ATRN: variants seen among roughly 807,000 people sequenced by gnomAD.
ATRN encodes the protein attractin-2.
Under a neutral mutation model 178.7 loss-of-function variants are expected in ATRN, and 54 were observed. The observed-to-expected ratio is 0.30, with a 90% confidence interval of 0.24 to 0.38. ATRN has a LOEUF of 0.38. Ranked by LOEUF, ATRN falls within the 10% of genes least tolerant of loss-of-function variation. The pLI is 1.00. For missense variants in ATRN, 1,443 were observed against 1,815.1 expected, an observed-to-expected ratio of 0.79 and a Z score of 3.73; for synonymous variants, 636 against 663.0, an observed-to-expected ratio of 0.96 and a Z score of 0.63.
chr20:3,603,760 T>A (rs2086643487), intron 23 of ATRN, among the ~76,000 whole-genome samples: 2 of 152,118 alleles, frequency 1.3e-5, no homozygotes, highest in Admixed American at 6.5e-5. Context: ...AGTGCTGGGA[T>A]TACAGATGTG....
At chr20:3,568,177 G>C (rs986214651) in intron 11 of ATRN, among the ~76,000 whole-genome samples, 1 of 151,836 alleles carries the variant, frequency 6.6e-6, no homozygotes, top group Non-Finnish European at 1.5e-5. Context: ...TGTAGTCCCA[G>C]CTTCTCGGGA....
intron 1 of ATRN, among the ~76,000 whole-genome samples, chr20:3,511,070 A>G (rs1376376081): frequency 6.6e-6 from 1 of 152,226 alleles, no homozygotes; most frequent in Non-Finnish European, 1.5e-5. Context: ...AATGGCGATG[A>G]AAGTATTATC....
rs187172517 is a variant in ATRN at position 3,555,918 on chromosome 20, C to T, written c.1113-3475C>T. Among the ~76,000 whole-genome samples, 4 of 152,286 alleles carry T rather than the reference C, an allele frequency of 2.6e-5. No homozygotes were observed. In the East Asian group the frequency reaches 5.8e-4, roughly 22 times the overall value. ...AGAACCCATCATGGAGGAAAAGCAGCTTCAAGGAGCAGAAGGAGATTCCTT... is the reference window on the plus strand; with the variant it reads ...AGAACCCATCATGGAGGAAAAGCAGTTTCAAGGAGCAGAAGGAGATTCCTT... On this transcript the variant is annotated intron_variant, in intron 6 of 28. Transcript: ENST00000262919.
intron 6 of ATRN, among the ~76,000 whole-genome samples, chr20:3,551,201 C>G (rs2085781711): frequency 6.6e-6 from 1 of 152,194 alleles, no homozygotes; most frequent in Admixed American, 6.5e-5. Flanking sequence ...AGGATGTCCC[C>G]TAGTGTAGTG....
At chr20:3,575,433 C>A (rs1397608191) in intron 12 of ATRN, among the ~76,000 whole-genome samples, 1 of 152,118 alleles carries the variant, frequency 6.6e-6, no homozygotes, top group East Asian at 1.9e-4. Flanking sequence ...ATTAGCCTTG[C>A]GTTTATAACT....
intron 6 of ATRN, among the ~76,000 whole-genome samples, chr20:3,555,034 G>A (rs2085851805): frequency 2.6e-5 from 3 of 116,150 alleles, no homozygotes; most frequent in South Asian, 2.7e-4. Context: ...ACGGAGTCTC[G>A]CTGTCGCCCA....
intron 6 of ATRN, among the ~76,000 whole-genome samples, chr20:3,559,095 A>G (rs1331456453): frequency 3.9e-5 from 6 of 152,212 alleles, no homozygotes; most frequent in Admixed American, 2.6e-4. Context: ...CCTTGAGTAC[A>G]ATGCAACCTT....
At chr20:3,553,325 C>T (rs2085815758) in intron 6 of ATRN, among the ~76,000 whole-genome samples, 1 of 152,126 alleles carries the variant, frequency 6.6e-6, no homozygotes, top group Non-Finnish European at 1.5e-5. Context: ...TCCATATGTT[C>T]TTCTCTTCGT....
intron 3 of ATRN, among the ~76,000 whole-genome samples, chr20:3,543,531 G>C (rs2085654241): frequency 6.6e-6 from 1 of 151,948 alleles, no homozygotes; most frequent in South Asian, 2.1e-4. Context: ...AGACCAGTCT[G>C]GCCAACATGG....
intron 2 of ATRN, among the ~76,000 whole-genome samples, chr20:3,535,725 A>G (rs2085522488): frequency 6.6e-6 from 1 of 151,814 alleles, no homozygotes; most frequent in Admixed American, 6.6e-5. Flanking sequence ...TCCGCCTCCC[A>G]GGTTCAAGCG....
intron 27 of ATRN, among the ~76,000 whole-genome samples, chr20:3,639,437 G>A (rs945678203): frequency 6.6e-6 from 1 of 152,056 alleles, no homozygotes; most frequent in Non-Finnish European, 1.5e-5. Context: ...ATTTTTAGTG[G>A]AGATGGGGTT....
chr20:3,509,772 G>A (rs530395008), intron 1 of ATRN, among the ~76,000 whole-genome samples: 1 of 152,272 alleles, frequency 6.6e-6, no homozygotes, highest in East Asian at 1.9e-4. Context: ...CCAAAGTGCT[G>A]AGATTACAGG....
chr20:3,584,026 G>A lies in ATRN; in HGVS notation c.2893G>A (p.Val965Met). ...MKQCVDSNAY[V>M]ASFPFGQCME... ...GCAGTGTGTGGACTCCAATGCCTAC[G>A]TGGCCTCCTTCCCTTTTGGCCAGTG... Residue 965 changes from valine (V) to methionine (M), a missense_variant, in exon 17 of 29, where the codon GTG becomes ATG. Transcript: ENST00000262919. 2 of 1,614,172 alleles carry A rather than the reference G, an allele frequency of 1.2e-6. No individual in the cohort carries two copies. The highest frequency in any genetic ancestry group is 8.5e-7 in the Non-Finnish European group (1 of 1,180,014).
intron 27 of ATRN, among the ~76,000 whole-genome samples, chr20:3,642,391 C>T (rs1379897986): frequency 6.6e-6 from 1 of 152,240 alleles, no homozygotes; most frequent in Admixed American, 6.5e-5. Flanking sequence ...TTCCGCCTTT[C>T]AGCACATAAC....
chr20:3,503,118 C>T (rs1225490985), intron 1 of ATRN, among the ~76,000 whole-genome samples: 1 of 151,908 alleles, frequency 6.6e-6, no homozygotes, highest in Non-Finnish European at 1.5e-5. Flanking sequence ...CCAATGGGAG[C>T]TCAAAGGCAC....
chr20:3,490,869 T>C (rs1379414997), intron 1 of ATRN: 7 of 889,110 alleles, frequency 7.9e-6, no homozygotes, highest in Admixed American at 6.8e-5. Flanking sequence ...GACCTCCATA[T>C]ACCTATCTTG....
In ATRN at chr20:3,560,866, C is replaced by T; in HGVS notation, c.1408C>T (p.Leu470Phe). The change falls in exon 8 of 29, where the codon CTC becomes TTC. Residue 470 changes from leucine (L) to phenylalanine (F), a missense_variant. Around this residue, in one of 4 missense-constraint regions of ATRN, gnomAD observed 862 missense variants for 972.1 expected, o/e 0.89. Coordinates refer to ENST00000262919, the MANE Select transcript of ATRN (RefSeq NM_139321.3). ...VMLVIFGHCP[L>F]YGYISNVQEY... is the part of the protein sequence containing the mutation. ...GCTGGTCATCTTTGGTCACTGCCCT[C>T]TCTATGGATATATAAGCAATGTGCA... The T allele has an allele frequency of 6.2e-7, 1 of 1,614,074 alleles. No homozygotes were observed. Among genetic ancestry groups the T allele is most frequent in the Admixed American group, 1.7e-5 (1 of 60,014 alleles).
rs1475720886 is a variant in ATRN at position 3,634,368 on chromosome 20, T to C, written c.3921T>C (p.Cys1307=). The change falls in exon 26 of 29, where the codon TGT becomes TGC. Residue 1307 remains cysteine, a synonymous_variant. Transcript: ENST00000262919. ...TGGTTTGGAAGATCAAACAAAGTTG[T>C]TGGGCCTCCAGACGTAGAGAGGTAA... The part of the protein sequence containing the change: ...AAVVWKIKQS[C]WASRRREQLL... The C allele has an allele frequency of 1.2e-6, 2 of 1,612,902 alleles. No individual in the cohort carries two copies. Among genetic ancestry groups the C allele is most frequent in the Admixed American group, 3.3e-5 (2 of 60,014 alleles).
Position 3,646,897 on chromosome 20 carries a change from G to C in ATRN, c.*50G>C. ...GCACGAGCTAGTGAGTGGCACACCA[G>C]AGCCATCTGCAGGGAAGGGCGTGGC... On this transcript the variant is annotated 3_prime_UTR_variant, in exon 29 of 29. Coordinates refer to ENST00000262919, the MANE Select transcript of ATRN (RefSeq NM_139321.3). 6.2e-7 allele frequency: 1 copy of C among 1,605,912 alleles called. No homozygotes were observed. Among genetic ancestry groups the C allele is most frequent in the African/African-American group, 1.3e-5 (1 of 74,838 alleles).
Sources: gnomAD v4.1 joint callset for allele counts (sites outside exome capture counted in the v4.1 genomes callset) on GRCh38, gnomAD v4.1.1 for gene constraint, gnomAD v4.1.1 regional missense constraint, MANE v1.5 for transcripts, NCBI Gene and HGNC (gene_info 2026-07-23, HGNC 2026-07-21) for gene names.